The following ARL8B variants were observed in gnomAD, a reference collection of about 807,000 sequenced individuals.
The protein encoded by ARL8B is ADP-ribosylation factor-like protein 8B.
ARL8B carries 9 observed loss-of-function variants against 30.6 expected under a neutral mutation model. The ratio of observed to expected loss-of-function variants is 0.29; its 90% CI spans 0.18 to 0.51. The LOEUF is 0.51. Ranked by LOEUF, ARL8B falls within the 20% of genes least tolerant of loss-of-function variation. The probability of loss-of-function intolerance (pLI) is 0.97; values close to 1 mark genes in which losing one functional copy is unlikely to be tolerated. For missense variants in ARL8B, 130 were observed against 227.2 expected, an observed-to-expected ratio of 0.57 and a Z score of 2.75; for synonymous variants, 74 against 76.0, an observed-to-expected ratio of 0.97 and a Z score of 0.14.
chr3:5,169,325 G>C (rs2054650605), intron 1 of ARL8B, among the ~76,000 whole-genome samples: 1 of 151,724 alleles, frequency 6.6e-6, no homozygotes. Context: ...GTGTGTGTGT[G>C]TGTGTGTGTG....
chr3:5,175,741 TGTG>T (rs1031680453), intron 6 of ARL8B, among the ~76,000 whole-genome samples: 1 of 152,226 alleles, frequency 6.6e-6, no homozygotes, highest in African/African-American at 2.4e-5. Context: ...CTCTCTAGCT[TGTG>T]GTGGTTGCCA....
At chr3:5,122,643 G>A (rs983313513) in intron 1 of ARL8B, 55 bp downstream of exon 1, 2 of 1,554,628 alleles carry the variant, frequency 1.3e-6, no homozygotes, top group Non-Finnish European at 1.7e-6. Flanking sequence ...GTCCGGCCCG[G>A]CGCTTCTCCA....
intron 1 of ARL8B, among the ~76,000 whole-genome samples, chr3:5,162,383 T>G (rs2054591094): frequency 6.6e-6 from 1 of 152,244 alleles, no homozygotes; most frequent in Non-Finnish European, 1.5e-5. Flanking sequence ...TAGGGTTGCC[T>G]TTATCTTTCT....
In ARL8B at chr3:5,174,637, C is replaced by G. The variant is rs116244460; in HGVS notation, c.511+223C>G. Among the ~76,000 whole-genome samples, 244 of 144,300 alleles carry G rather than the reference C, an allele frequency of 1.7e-3. 1 individual carries two copies. The highest frequency in any genetic ancestry group is 5.9e-3 in the African/African-American group (231 of 39,472). The allele number at this position is 144,300 out of a possible 152,430, so 94.7% of individuals were successfully genotyped here. A position where few individuals can be genotyped will look rare whatever the true frequency, so the allele number is the denominator to read the frequency against. On this transcript the variant is annotated intron_variant, in intron 6 of 6. Coordinates refer to ENST00000256496, the MANE Select transcript of ARL8B (RefSeq NM_018184.3). ...TTTGAAATTGCAATGTTATCTCTCT[C>G]TCTCTCATACAAATATATATATAAT...
At chr3:5,154,730 A>G (rs1248446096) in intron 1 of ARL8B, among the ~76,000 whole-genome samples, 1 of 151,830 alleles carries the variant, frequency 6.6e-6, no homozygotes, top group Non-Finnish European at 1.5e-5. Context: ...CATTCTGTCT[A>G]TGATTAGTCT....
intron 1 of ARL8B, among the ~76,000 whole-genome samples, chr3:5,170,288 A>G (rs1385630199): frequency 2.0e-5 from 3 of 152,256 alleles, no homozygotes; most frequent in Non-Finnish European, 4.4e-5. Context: ...AGTTTCAAAA[A>G]TATCTTTTTT....
intron 4 of ARL8B, 71 bp from the exon 5 acceptor site, chr3:5,173,946 T>A: frequency 9.0e-7 from 1 of 1,115,402 alleles, no homozygotes; most frequent in Non-Finnish European, 1.4e-6. Context: ...TGTCTTCACA[T>A]ATCAAGATGA....
At position 5,122,310 on chromosome 3, in the gene ARL8B, C is replaced by G; in HGVS notation, c.-156C>G. On this transcript the variant is annotated 5_prime_UTR_variant, in exon 1 of 7. Transcript: ENST00000256496. ...GCGAGTCATATGATCCGCTCGGCTT[C>G]CTGGGTCTGGCTGCTGCCGCCCGCC... The G allele has an allele frequency of 6.6e-7, 1 of 1,515,484 alleles. No homozygotes were observed. The highest frequency in any genetic ancestry group is 2.5e-5 in the East Asian group (1 of 39,944). The allele number at this position is 1,515,484 out of a possible 1,614,324, so 93.9% of individuals were successfully genotyped here. A position where few individuals can be genotyped will look rare whatever the true frequency, so the allele number is the denominator to read the frequency against.
At chr3:5,145,623 G>A (rs2054412452) in intron 1 of ARL8B, among the ~76,000 whole-genome samples, 2 of 152,190 alleles carry the variant, frequency 1.3e-5, no homozygotes, top group African/African-American at 4.8e-5. Context: ...GGAGGACTAG[G>A]GCCGGGGCTG....
At chr3:5,123,881 T>C (rs11712014) in intron 1 of ARL8B, among the ~76,000 whole-genome samples, 2 of 152,116 alleles carry the variant, frequency 1.3e-5, no homozygotes, top group African/African-American at 2.4e-5. Flanking sequence ...TTATTATTAA[T>C]TTTTTTTCTT....
At chr3:5,152,566 C>T (rs1177996786) in intron 1 of ARL8B, among the ~76,000 whole-genome samples, 1 of 152,242 alleles carries the variant, frequency 6.6e-6, no homozygotes. Flanking sequence ...CTCACTGCCA[C>T]CTCCAACTCC....
At chr3:5,167,736 C>G (rs976759729) in intron 1 of ARL8B, among the ~76,000 whole-genome samples, 1 of 152,106 alleles carries the variant, frequency 6.6e-6, no homozygotes, top group Admixed American at 6.5e-5. Flanking sequence ...CTTAGTATTA[C>G]GTGTTTGTTA....
chr3:5,132,576 C>G (rs2054292526), intron 1 of ARL8B, among the ~76,000 whole-genome samples: 1 of 152,094 alleles, frequency 6.6e-6, no homozygotes, highest in African/African-American at 2.4e-5. Context: ...TTATCTTGTT[C>G]TCTTGTTTCT....
At chr3:5,178,149 C>T (rs769449480) in intron 6 of ARL8B, among the ~76,000 whole-genome samples, 8 of 152,226 alleles carry the variant, frequency 5.3e-5, no homozygotes, top group Non-Finnish European at 1.0e-4. Context: ...ACAGCCTCCT[C>T]TCCCATCCCT....
chr3:5,173,642 C>G (rs2054698437), intron 4 of ARL8B, among the ~76,000 whole-genome samples: 1 of 152,078 alleles, frequency 6.6e-6, no homozygotes, highest in South Asian at 2.1e-4. Flanking sequence ...GGCGTGAACC[C>G]GGGAGGCAGA....
intron 1 of ARL8B, among the ~76,000 whole-genome samples, chr3:5,142,660 TTTACCTTTTAGGGTTATTA>T: frequency 6.6e-6 from 1 of 152,308 alleles, no homozygotes; most frequent in East Asian, 1.9e-4. Context: ...CTCAATTATT[TTTACCTTTTAGGGTTATTA>T]TTTGGCAGAC....
At chr3:5,131,038 G>T (rs1553577342) in intron 1 of ARL8B, among the ~76,000 whole-genome samples, 3 of 151,318 alleles carry the variant, frequency 2.0e-5, no homozygotes, top group South Asian at 4.2e-4. Flanking sequence ...TCAGCCTCCC[G>T]AATAGCTAGG....
intron 6 of ARL8B, among the ~76,000 whole-genome samples, chr3:5,177,253 A>G (rs1194745465): frequency 2.6e-5 from 4 of 152,224 alleles, no homozygotes; most frequent in South Asian, 2.1e-4. Flanking sequence ...CTCCTGGCTC[A>G]CTTAAAAGGT....
chr3:5,157,479 AC>A (rs1471437022), intron 1 of ARL8B, among the ~76,000 whole-genome samples: 3 of 136,484 alleles, frequency 2.2e-5, no homozygotes, highest in African/African-American at 9.3e-5. Flanking sequence ...TCGCAAAAAA[AC>A]AAACAAAACA....
Sources: allele counts gnomAD v4.1 joint callset (sites outside exome capture counted in the v4.1 genomes callset), GRCh38; gene constraint gnomAD v4.1.1; transcripts MANE v1.5; gene names NCBI Gene and HGNC (gene_info 2026-07-23, HGNC 2026-07-21).